Variants in MEI4 observed in about 807,000 individuals in gnomAD.
MEI4 encodes meiotic double-stranded break formation protein 4.
MEI4 carries 27 observed loss-of-function variants against 31.4 expected under a neutral mutation model. The ratio of observed to expected loss-of-function variants is 0.86; its 90% CI spans 0.63 to 1.19. The LOEUF is 1.19. Ranked by LOEUF, MEI4 falls within the 50% of genes most tolerant of loss-of-function variation. MEI4 has a pLI of 0.00. For missense variants in MEI4, 329 were observed against 398.9 expected (o/e 0.82, Z 1.49); for synonymous variants, 122 against 145.4 (o/e 0.84, Z 1.16).
At chr6:77,836,720 T>C (rs953259455) in intron 4 of MEI4, among the ~76,000 whole-genome samples, 2 of 152,102 alleles carry the variant, frequency 1.3e-5, no homozygotes, top group Non-Finnish European at 2.9e-5. Context: ...GTTCACCTAT[T>C]TCAGTTGAGA....
intron 4 of MEI4, among the ~76,000 whole-genome samples, chr6:77,836,979 T>G (rs936313530): frequency 2.0e-5 from 3 of 152,116 alleles, no homozygotes; most frequent in African/African-American, 7.2e-5. Flanking sequence ...TTTGGCCAGT[T>G]TTCTTCATTA....
At chr6:77,746,793 A>G (rs138886019) in intron 2 of MEI4, among the ~76,000 whole-genome samples, 339 of 152,218 alleles carry the variant, frequency 2.2e-3, no homozygotes, top group African/African-American at 7.4e-3. Flanking sequence ...AAAGGAGCCA[A>G]GGATGGTTTT....
chr6:77,863,923 A>G (rs1306936145), intron 4 of MEI4, among the ~76,000 whole-genome samples: 2 of 152,232 alleles, frequency 1.3e-5, no homozygotes. Context: ...GGGGGCCAAT[A>G]TTCAACATTC....
intron 2 of MEI4, among the ~76,000 whole-genome samples, chr6:77,757,654 A>G (rs1400060081): frequency 6.6e-6 from 1 of 152,238 alleles, no homozygotes; most frequent in African/African-American, 2.4e-5. Context: ...TTTTCTTGAA[A>G]TAATTACACA....
At chr6:77,738,986 CT>C (rs778399469) in intron 2 of MEI4, among the ~76,000 whole-genome samples, 38 of 152,046 alleles carry the variant, frequency 2.5e-4, no homozygotes, top group Non-Finnish European at 3.8e-4. Context: ...GATAGTAGAT[CT>C]TTGTCAGATG....
In MEI4 at chr6:77,923,405, C is replaced by G. The variant is rs1766758073; in HGVS notation, c.*59C>G. 1 of 1,179,092 alleles carries G rather than the reference C, an allele frequency of 8.5e-7. No individual in the cohort carries two copies. The highest frequency in any genetic ancestry group is 1.6e-5 in the African/African-American group (1 of 62,850). 73.0% of individuals were successfully genotyped at this position (1,179,092 alleles called of 1,614,324 possible). A position where few individuals can be genotyped will look rare whatever the true frequency, so the allele number is the denominator to read the frequency against. On this transcript the variant is annotated 3_prime_UTR_variant, in exon 5 of 5. Coordinates refer to ENST00000684080, the MANE Select transcript of MEI4 (RefSeq NM_001322247.2). Reference sequence around the variant, plus strand: ...ATAATAAAGTAGAATATATGAAAATCTCATACTGAAAAGATTTTCAATAGT... The same window carrying G: ...ATAATAAAGTAGAATATATGAAAATGTCATACTGAAAAGATTTTCAATAGT...
intron 1 of MEI4, among the ~76,000 whole-genome samples, chr6:77,657,019 C>T (rs1174482291): frequency 1.3e-5 from 2 of 152,152 alleles, no homozygotes; most frequent in Non-Finnish European, 2.9e-5. Context: ...GCAACTGTTT[C>T]AGCTCAAAGA....
At chr6:77,860,893 TCCC>T (rs549369423) in intron 4 of MEI4, among the ~76,000 whole-genome samples, 47 of 152,274 alleles carry the variant, frequency 3.1e-4, no homozygotes, top group African/African-American at 1.1e-3. Context: ...AACGTGTTCC[TCCC>T]ATTTCTGGCT....
At chr6:77,678,260 T>C (rs1768881815) in intron 1 of MEI4, among the ~76,000 whole-genome samples, 1 of 152,250 alleles carries the variant, frequency 6.6e-6, no homozygotes, top group Admixed American at 6.5e-5. Flanking sequence ...CTTCTGCTGC[T>C]ATTCGGCCTG....
chr6:77,798,555 A>G (rs1265797743), intron 3 of MEI4, among the ~76,000 whole-genome samples: 1 of 151,690 alleles, frequency 6.6e-6, no homozygotes, highest in Non-Finnish European at 1.5e-5. Context: ...GGTTAGTTAC[A>G]TATGTATACA....
intron 4 of MEI4, among the ~76,000 whole-genome samples, chr6:77,850,559 G>T (rs1562011685): frequency 6.6e-6 from 1 of 152,142 alleles, no homozygotes; most frequent in Non-Finnish European, 1.5e-5. Context: ...TTAACAAATG[G>T]TGCTGGGAAG....
intron 2 of MEI4, among the ~76,000 whole-genome samples, chr6:77,701,303 T>C (rs1310438493): frequency 2.6e-5 from 4 of 152,116 alleles, no homozygotes; most frequent in African/African-American, 9.7e-5. Flanking sequence ...AAGATGTTAG[T>C]GGCTGTTTCT....
In MEI4 at chr6:77,777,482, GA is replaced by G. The variant is rs563713390; in HGVS notation, c.768+15818del. 1.4e-3 allele frequency among the ~76,000 whole-genome samples: 211 copies of G among 152,214 alleles called. 1 individual carries two copies. Among genetic ancestry groups the G allele is most frequent in the African/African-American group, 4.5e-3 (185 of 41,540 alleles). ...AATTGTCCTCCCACAATCAGTAAAAGACTGGATATTTTTTCATTGGAAATAA... is the reference window on the plus strand; with the variant it reads ...AATTGTCCTCCCACAATCAGTAAAAGCTGGATATTTTTTCATTGGAAATAA... On this transcript the variant is annotated intron_variant, in intron 3 of 4. Transcript: ENST00000684080.
chr6:77,798,972 T>C (rs1423643225), intron 3 of MEI4, among the ~76,000 whole-genome samples: 1 of 152,096 alleles, frequency 6.6e-6, no homozygotes, highest in African/African-American at 2.4e-5. Context: ...TGTGTCTTTA[T>C]AGCAGCATGA....
At chr6:77,851,534 C>CA (rs1770621006) in intron 4 of MEI4, among the ~76,000 whole-genome samples, 4 of 147,216 alleles carry the variant, frequency 2.7e-5, no homozygotes, top group Admixed American at 2.1e-4. Context: ...ATCGCAAGGA[C>CA]AAAAAACCAA....
At chr6:77,696,785 G>T (rs1766057177) in intron 2 of MEI4, among the ~76,000 whole-genome samples, 1 of 152,060 alleles carries the variant, frequency 6.6e-6, no homozygotes, top group Non-Finnish European at 1.5e-5. Context: ...CTCATAAAAT[G>T]AGTTAGGGAG....
At chr6:77,803,116 T>A (rs1379664702) in intron 3 of MEI4, among the ~76,000 whole-genome samples, 2 of 152,126 alleles carry the variant, frequency 1.3e-5, no homozygotes, top group African/African-American at 2.4e-5. Flanking sequence ...CACCAATCAG[T>A]TGTAGATTTG....
intron 4 of MEI4, among the ~76,000 whole-genome samples, chr6:77,835,394 AC>A (rs1770191372): frequency 7.3e-6 from 1 of 137,356 alleles, no homozygotes; most frequent in African/African-American, 2.9e-5. Flanking sequence ...ACACACACAC[AC>A]ACACACACAA....
chr6:77,832,015 A>G (rs1371841286), intron 4 of MEI4, among the ~76,000 whole-genome samples: 1 of 152,042 alleles, frequency 6.6e-6, no homozygotes, highest in Non-Finnish European at 1.5e-5. Context: ...ACATGTATGA[A>G]AATATCCCAT....
Sources: gnomAD v4.1 joint callset for allele counts (sites outside exome capture counted in the v4.1 genomes callset) on GRCh38, gnomAD v4.1.1 for gene constraint, MANE v1.5 for transcripts, NCBI Gene and HGNC (gene_info 2026-07-23, HGNC 2026-07-21) for gene names.